MACROD2: variants seen among roughly 807,000 people sequenced by gnomAD.
MACROD2 encodes the protein mono-ADP ribosylhydrolase 2, also known as ADP-ribose glycohydrolase MACROD2.
MACROD2 carries 36 observed loss-of-function variants against 70.4 expected under a neutral mutation model. The observed-to-expected ratio is 0.51, with a 90% CI of 0.39 to 0.68. The LOEUF (loss-of-function observed/expected upper bound fraction) is 0.68, where lower values mean the gene tolerates loss of function less well. Ranked by LOEUF, MACROD2 falls within the 30% of genes least tolerant of loss-of-function variation. MACROD2 has a pLI of 0.00. For missense variants in MACROD2, 496 were observed against 538.4 expected (o/e 0.92, Z 0.78); for synonymous variants, 172 against 178.8 (o/e 0.96, Z 0.30).
chr20:15,194,917 AT>A (rs113363279), intron 5 of MACROD2, among the ~76,000 whole-genome samples: 14,044 of 151,904 alleles, frequency 0.092, 815 homozygotes, highest in Non-Finnish European at 0.14. Context: ...TAGGCAAATT[AT>A]TTTGTAAGAA....
At chr20:14,515,499 G>T (rs943201041) in intron 4 of MACROD2, among the ~76,000 whole-genome samples, 1 of 89,342 alleles carries the variant, frequency 1.1e-5, no homozygotes, top group Non-Finnish European at 2.6e-5. Context: ...ACACACACAC[G>T]ATGGAATATT....
At chr20:14,056,281 T>C (rs2053630212) in intron 2 of MACROD2, among the ~76,000 whole-genome samples, 1 of 152,112 alleles carries the variant, frequency 6.6e-6, no homozygotes, top group African/African-American at 2.4e-5. Flanking sequence ...ATTTATGTTA[T>C]GTCTTGTGTT....
At chr20:15,904,566 T>C (rs957681841) in intron 10 of MACROD2, among the ~76,000 whole-genome samples, 9 of 152,020 alleles carry the variant, frequency 5.9e-5, no homozygotes, top group Non-Finnish European at 8.8e-5. Context: ...ATTGCTGTCA[T>C]TTATGATTGC....
chr20:15,045,163 A>G (rs2075383618), intron 5 of MACROD2, among the ~76,000 whole-genome samples: 1 of 152,174 alleles, frequency 6.6e-6, no homozygotes, highest in African/African-American at 2.4e-5. Flanking sequence ...ATGGGGATGA[A>G]TTGTCTGAGG....
At chr20:15,293,250 A>C (rs6034146) in intron 6 of MACROD2, among the ~76,000 whole-genome samples, 90,458 of 152,150 alleles carry the variant, frequency 0.59, 27,585 homozygotes, top group African/African-American at 0.68. Flanking sequence ...ATATGCAATG[A>C]TTTAGGTATT....
chr20:15,117,877 T>C (rs1218497482), intron 5 of MACROD2, among the ~76,000 whole-genome samples: 1 of 152,182 alleles, frequency 6.6e-6, no homozygotes, highest in Admixed American at 6.5e-5. Flanking sequence ...TTGTAGCCCT[T>C]TGCTCTTATT....
chr20:14,840,599 G>A (rs1257968615), intron 5 of MACROD2, among the ~76,000 whole-genome samples: 1 of 151,910 alleles, frequency 6.6e-6, no homozygotes, highest in Non-Finnish European at 1.5e-5. Context: ...AGAGAGACTT[G>A]GGAGACTATA....
intron 5 of MACROD2, among the ~76,000 whole-genome samples, chr20:15,084,069 T>TG (rs71824598): frequency 0.038 from 2,948 of 77,406 alleles, 97 homozygotes; most frequent in African/African-American, 0.12. Context: ...GTTTTTTTTT[T>TG]TTGTTTTTTT....
At chr20:15,234,475 T>C (rs1568657979) in intron 6 of MACROD2, among the ~76,000 whole-genome samples, 2 of 151,988 alleles carry the variant, frequency 1.3e-5, no homozygotes, top group African/African-American at 4.8e-5. Flanking sequence ...CCAGGGAGCC[T>C]ACAGATTTTC....
chr20:14,146,620 T>C (rs971503708), intron 3 of MACROD2, among the ~76,000 whole-genome samples: 1 of 152,208 alleles, frequency 6.6e-6, no homozygotes, highest in Non-Finnish European at 1.5e-5. Flanking sequence ...CTGGAAATTA[T>C]AAAATCCTAC....
At chr20:15,710,211 A>AC (rs1330191256) in intron 8 of MACROD2, among the ~76,000 whole-genome samples, 2 of 151,740 alleles carry the variant, frequency 1.3e-5, no homozygotes, top group South Asian at 2.1e-4. Flanking sequence ...AAAAAAAAAA[A>AC]AACAATTGCG....
intron 2 of MACROD2, among the ~76,000 whole-genome samples, chr20:14,017,223 A>T (rs2053005682): frequency 6.6e-6 from 1 of 152,118 alleles, no homozygotes; most frequent in South Asian, 2.1e-4. Flanking sequence ...ATTCAAGCTA[A>T]CAATTTTTCG....
At chr20:15,267,961 C>T (rs543775295) in intron 6 of MACROD2, among the ~76,000 whole-genome samples, 1 of 152,188 alleles carries the variant, frequency 6.6e-6, no homozygotes, top group Non-Finnish European at 1.5e-5. Context: ...TTTTCTCACC[C>T]TTCTGTGTGT....
chr20:14,284,049 T>C (rs1254744712), intron 3 of MACROD2, among the ~76,000 whole-genome samples: 1 of 152,236 alleles, frequency 6.6e-6, no homozygotes, highest in African/African-American at 2.4e-5. Context: ...AAGTTGCTTC[T>C]AGAAATCTGC....
intron 5 of MACROD2, among the ~76,000 whole-genome samples, chr20:14,907,875 C>T (rs924890202): frequency 6.6e-6 from 1 of 152,128 alleles, no homozygotes; most frequent in Non-Finnish European, 1.5e-5. Context: ...GGGGACACTT[C>T]CCCTTTTAGG....
intron 12 of MACROD2, among the ~76,000 whole-genome samples, chr20:15,955,594 T>G (rs933215289): frequency 2.0e-5 from 3 of 152,206 alleles, no homozygotes; most frequent in Non-Finnish European, 4.4e-5. Flanking sequence ...AATAAACACG[T>G]ATTTAAGTAT....
intron 8 of MACROD2, among the ~76,000 whole-genome samples, chr20:15,568,273 TG>T (rs1435770918): frequency 6.6e-6 from 1 of 152,238 alleles, no homozygotes; most frequent in Non-Finnish European, 1.5e-5. Context: ...TGGAGATTGC[TG>T]GGGTCCAGGC....
intron 3 of MACROD2, among the ~76,000 whole-genome samples, chr20:14,272,381 A>G (rs1435831033): frequency 6.6e-6 from 1 of 152,114 alleles, no homozygotes; most frequent in Non-Finnish European, 1.5e-5. Flanking sequence ...AGAATTTCAT[A>G]TCCAGCCAAA....
rs180729760 is a variant in MACROD2, at chr20:15,030,541, A to G, written c.419-199399A>G. Among the ~76,000 whole-genome samples, 253 of 152,326 alleles carry G rather than the reference A, an allele frequency of 1.7e-3. 2 individuals are homozygous for G. The highest frequency in any genetic ancestry group is 0.01 in the Middle Eastern group (3 of 294). ...CCCCAGCAGTCACCTGCCCAGCTGC[A>G]TACTATTTTATTGGCATCTTTCTCT... On this transcript the variant is annotated intron_variant, in intron 5 of 17. Transcript: ENST00000684519.
Sources: gnomAD v4.1 joint callset for allele counts (sites outside exome capture counted in the v4.1 genomes callset) on GRCh38, gnomAD v4.1.1 for gene constraint, MANE v1.5 for transcripts, NCBI Gene and HGNC (gene_info 2026-07-23, HGNC 2026-07-21) for gene names.